Variants in CDH13 observed in about 807,000 individuals in gnomAD.
CDH13 encodes cadherin 13.
In CDH13, 24 loss-of-function variants were observed where a neutral mutation model predicts 63.8. The observed-to-expected ratio is 0.38, with a 90% CI of 0.27 to 0.53. CDH13 has a LOEUF of 0.53. Among genes scored for constraint, CDH13 ranks in the 20% least tolerant of loss-of-function variants. CDH13 has a pLI of 0.85. For missense variants in CDH13, 1,049 were observed against 903.1 expected, an observed-to-expected ratio of 1.16 and a Z score of -2.07; for synonymous variants, 503 against 355.3, an observed-to-expected ratio of 1.42 and a Z score of -4.67.
At chr16:83,750,959 T>C (rs1363840145) in intron 11 of CDH13, among the ~76,000 whole-genome samples, 1 of 136,002 alleles carries the variant, frequency 7.4e-6, no homozygotes, top group Non-Finnish European at 1.6e-5. Flanking sequence ...TTGTAGCAAG[T>C]GCTTAACTTA....
Position 83,272,887 on chromosome 16 carries a change from C to G in CDH13, c.636+55390C>G, listed in dbSNP as rs539762998. On this transcript the variant is annotated intron_variant, in intron 5 of 13. Coordinates refer to ENST00000567109, the MANE Select transcript of CDH13 (RefSeq NM_001257.5). ...GTGGGGATTTTAGACGTGGATTGTA[C>G]TCTGAGAGCTAATGATGAGTTTGCT... is the stretch of plus-strand genomic sequence containing the variant. Among the ~76,000 whole-genome samples the G allele has an allele frequency of 1.8e-4, 27 of 152,272 alleles. No individual in the cohort carries two copies. In the Middle Eastern group the frequency reaches 0.02, roughly 115 times the overall value.
rs111451698 is a variant in CDH13 at position 82,707,500 on chromosome 16, A to G, written c.45+80363A>G. On this transcript the variant is annotated intron_variant, in intron 1 of 13. Transcript: ENST00000567109. Reference sequence around the variant, plus strand: ...CAGGGCCTTTGCACTGGGCTTATTCACAGGCAAAATATTTTTCCTTATTTT... The same window carrying G: ...CAGGGCCTTTGCACTGGGCTTATTCGCAGGCAAAATATTTTTCCTTATTTT... 2.0e-3 allele frequency among the ~76,000 whole-genome samples: 312 copies of G among 152,304 alleles called. 3 individuals are homozygous for G. The highest frequency in any genetic ancestry group is 5.8e-3 in the African/African-American group (240 of 41,568).
intron 8 of CDH13, among the ~76,000 whole-genome samples, chr16:83,617,618 T>C (rs886977688): frequency 2.0e-5 from 3 of 151,462 alleles, no homozygotes; most frequent in Non-Finnish European, 4.4e-5. Context: ...TATCTTAATA[T>C]GCACATATTC....
chr16:83,692,812 G>A (rs1313524407), intron 10 of CDH13, among the ~76,000 whole-genome samples: 3 of 152,124 alleles, frequency 2.0e-5, no homozygotes, highest in Non-Finnish European at 4.4e-5. Flanking sequence ...GGCTGGGCAC[G>A]GTGGCTTACA....
chr16:82,714,732 A>G (rs1225060813), intron 1 of CDH13, among the ~76,000 whole-genome samples: 1 of 134,486 alleles, frequency 7.4e-6, no homozygotes, highest in Non-Finnish European at 1.6e-5. Context: ...AAAAAAAAAA[A>G]AAAAAAAGAC....
intron 1 of CDH13, among the ~76,000 whole-genome samples, chr16:82,631,614 A>T (rs1239160580): frequency 6.6e-6 from 1 of 152,122 alleles, no homozygotes; most frequent in East Asian, 1.9e-4. Flanking sequence ...TTCTGCAGCC[A>T]CCTGGGATCC....
intron 6 of CDH13, chr16:83,397,866 A>G (rs1409572430): frequency 6.6e-6 from 1 of 152,218 alleles, no homozygotes; most frequent in African/African-American, 2.4e-5. Context: ...CATTTGTTAT[A>G]AATGAAGAAA....
chr16:83,018,343 G>C (rs140541987), intron 2 of CDH13, among the ~76,000 whole-genome samples: 3 of 152,132 alleles, frequency 2.0e-5, no homozygotes, highest in East Asian at 1.9e-4. Flanking sequence ...TTTAGTTGCC[G>C]TTTATCCCTT....
At chr16:83,191,489 G>GCATATATATATATATATATATATATATT (rs2038703553) in intron 4 of CDH13, among the ~76,000 whole-genome samples, 1 of 46,298 alleles carries the variant, frequency 2.2e-5, no homozygotes, top group Admixed American at 2.5e-4. Flanking sequence ...ATATATATAT[G>GCATATATATATATATATATATATATATT]CACATATATA....
intron 1 of CDH13, among the ~76,000 whole-genome samples, chr16:82,689,868 G>C (rs1424828413): frequency 1.3e-5 from 2 of 151,408 alleles, no homozygotes; most frequent in South Asian, 2.1e-4. Context: ...CTCATAGCTG[G>C]GGGCAGTGGC....
intron 1 of CDH13, among the ~76,000 whole-genome samples, chr16:82,809,521 G>T (rs919033497): frequency 1.3e-5 from 2 of 152,026 alleles, no homozygotes; most frequent in Non-Finnish European, 2.9e-5. Flanking sequence ...AAGTGATGAC[G>T]CTCAAATCTA....
intron 8 of CDH13, among the ~76,000 whole-genome samples, chr16:83,613,461 T>G (rs550136367): frequency 9.2e-5 from 14 of 152,316 alleles, no homozygotes; most frequent in African/African-American, 3.4e-4. Context: ...ATATATAGAC[T>G]TTCTATGCTT....
At chr16:83,540,025 C>G (rs116414687) in intron 7 of CDH13, among the ~76,000 whole-genome samples, 1,690 of 151,648 alleles carry the variant, frequency 0.011, 33 homozygotes, top group African/African-American at 0.039. Flanking sequence ...TTGTCCTGGA[C>G]AAGACTGATT....
At chr16:83,290,488 A>G (rs894361193) in intron 5 of CDH13, among the ~76,000 whole-genome samples, 3 of 152,104 alleles carry the variant, frequency 2.0e-5, no homozygotes, top group Non-Finnish European at 2.9e-5. Flanking sequence ...GCCTGTGACC[A>G]TGTAAGACGT....
chr16:82,898,172 T>C (rs1413535733), intron 2 of CDH13, among the ~76,000 whole-genome samples: 1 of 152,242 alleles, frequency 6.6e-6, no homozygotes, highest in African/African-American at 2.4e-5. Flanking sequence ...ACGAAACATA[T>C]TGTTAAAATT....
intron 5 of CDH13, among the ~76,000 whole-genome samples, chr16:83,223,502 G>A (rs370492372): frequency 1.5e-4 from 23 of 152,314 alleles, no homozygotes; most frequent in African/African-American, 5.3e-4. Context: ...ATAGCAAAGA[G>A]TCAAGGTCGC....
intron 1 of CDH13, among the ~76,000 whole-genome samples, chr16:82,845,453 C>T (rs2039216217): frequency 2.0e-5 from 3 of 152,208 alleles, no homozygotes; most frequent in Admixed American, 6.5e-5. Context: ...AAACTCATCG[C>T]AGCAGCAACT....
At chr16:83,434,923 A>T (rs1482755335) in intron 6 of CDH13, among the ~76,000 whole-genome samples, 1 of 145,836 alleles carries the variant, frequency 6.9e-6, no homozygotes, top group Non-Finnish European at 1.5e-5. Flanking sequence ...TTATATATAT[A>T]ATATATAAAT....
At chr16:83,194,247 C>A (rs1336429952) in intron 4 of CDH13, among the ~76,000 whole-genome samples, 1 of 152,198 alleles carries the variant, frequency 6.6e-6, no homozygotes, top group African/African-American at 2.4e-5. Context: ...TCCACGGGGG[C>A]CCCCTCTGGC....
Sources: gnomAD v4.1 joint callset for allele counts (sites outside exome capture counted in the v4.1 genomes callset) on GRCh38, gnomAD v4.1.1 for gene constraint, MANE v1.5 for transcripts, NCBI Gene and HGNC (gene_info 2026-07-23, HGNC 2026-07-21) for gene names.